The following PPARGC1A variants were observed in gnomAD, a reference collection of about 807,000 sequenced individuals.
The protein encoded by PPARGC1A is peroxisome proliferator-activated receptor gamma coactivator 1-alpha.
PPARGC1A carries 25 observed loss-of-function variants against 88.7 expected under a neutral mutation model. The observed-to-expected ratio is 0.28, with a 90% confidence interval of 0.21 to 0.39. The LOEUF is 0.39. Among genes scored for constraint, PPARGC1A ranks in the 10% least tolerant of loss-of-function variants. The pLI is 1.00. For missense variants in PPARGC1A, 880 were observed against 968.7 expected (o/e 0.91, Z 1.22); for synonymous variants, 363 against 355.6 (o/e 1.02, Z -0.24).
chr4:24,119,020 G>T, the PPARGC1A span, among the ~76,000 whole-genome samples: 1 of 152,132 alleles, frequency 6.6e-6, no homozygotes, highest in Non-Finnish European at 1.5e-5. Flanking sequence ...CCTATCAAAC[G>T]CATCACCTTG....
At chr4:24,150,140 G>T in the PPARGC1A span, among the ~76,000 whole-genome samples, 2 of 152,152 alleles carry the variant, frequency 1.3e-5, no homozygotes, top group African/African-American at 4.8e-5. Context: ...CAAGGTGAGA[G>T]AATCTTATTT....
At chr4:24,435,538 T>G in the PPARGC1A span, among the ~76,000 whole-genome samples, 2 of 152,126 alleles carry the variant, frequency 1.3e-5, no homozygotes, top group African/African-American at 4.8e-5. Context: ...GGACTTAACA[T>G]GTTTGTGACT....
chr4:24,344,733 G>A, the PPARGC1A span, among the ~76,000 whole-genome samples: 1 of 151,722 alleles, frequency 6.6e-6, no homozygotes, highest in African/African-American at 2.4e-5. Flanking sequence ...TCTTCCTTTT[G>A]CCATGCAAAA....
chr4:23,850,820 CAT>C (rs1310063008), intron 2 of PPARGC1A, among the ~76,000 whole-genome samples: 2 of 152,168 alleles, frequency 1.3e-5, no homozygotes, highest in African/African-American at 2.4e-5. Context: ...GTTACTTAAA[CAT>C]GTGTCTGAGT....
At chr4:24,307,801 C>T in the PPARGC1A span, among the ~76,000 whole-genome samples, 274 of 152,260 alleles carry the variant, frequency 1.8e-3, 1 homozygote, top group Non-Finnish European at 2.9e-3. Flanking sequence ...TTTCTAGTCC[C>T]GGCTTTTTCC....
At chr4:24,000,827 A>G in the PPARGC1A span, among the ~76,000 whole-genome samples, 54,300 of 151,968 alleles carry the variant, frequency 0.36, 10,183 homozygotes, top group Non-Finnish European at 0.42. Flanking sequence ...TAAATTGGGA[A>G]TCTCCTTTTC....
At chr4:24,165,805 C>G in the PPARGC1A span, among the ~76,000 whole-genome samples, 1 of 152,098 alleles carries the variant, frequency 6.6e-6, no homozygotes, top group Non-Finnish European at 1.5e-5. Context: ...TGGTTCTCCT[C>G]TCCCTCTCCC....
At chr4:24,268,744 A>T in the PPARGC1A span, among the ~76,000 whole-genome samples, 1 of 152,256 alleles carries the variant, frequency 6.6e-6, no homozygotes, top group Admixed American at 6.5e-5. Flanking sequence ...ATTACTTTGT[A>T]AACTTAATTT....
the PPARGC1A span, among the ~76,000 whole-genome samples, chr4:24,299,338 A>AAT: frequency 5.5e-3 from 831 of 151,690 alleles, 6 homozygotes; most frequent in African/African-American, 0.019. Flanking sequence ...GGTTTAATAA[A>AAT]ATATATATAT....
chr4:23,964,221 G>T, the PPARGC1A span, among the ~76,000 whole-genome samples: 1 of 152,160 alleles, frequency 6.6e-6, no homozygotes, highest in African/African-American at 2.4e-5. Context: ...CATTTTTACA[G>T]ATGAGAAAAT....
the PPARGC1A span, among the ~76,000 whole-genome samples, chr4:24,211,144 C>G: frequency 9.2e-5 from 14 of 152,186 alleles, no homozygotes; most frequent in Non-Finnish European, 2.1e-4. Flanking sequence ...CTGCCTAGCA[C>G]GTGCATGGCT....
the PPARGC1A span, among the ~76,000 whole-genome samples, chr4:24,295,176 A>T: frequency 6.6e-6 from 1 of 152,310 alleles, no homozygotes; most frequent in South Asian, 2.1e-4. Flanking sequence ...TTATCACGAG[A>T]TGTTTTTGTG....
chr4:24,017,598 C>T, the PPARGC1A span, among the ~76,000 whole-genome samples: 2 of 152,092 alleles, frequency 1.3e-5, no homozygotes, highest in Non-Finnish European at 2.9e-5. Flanking sequence ...AAATGGGTGT[C>T]TCAGAAAAGT....
At chr4:24,348,577 T>C in the PPARGC1A span, among the ~76,000 whole-genome samples, 1 of 152,220 alleles carries the variant, frequency 6.6e-6, no homozygotes, top group East Asian at 1.9e-4. Flanking sequence ...AATTTCTTTC[T>C]TCTGGTTGTT....
At chr4:23,857,356 T>C (rs10020518) in intron 2 of PPARGC1A, among the ~76,000 whole-genome samples, 143,776 of 144,156 alleles carry the variant, frequency 1, 71,698 homozygotes, top group East Asian at 1. Flanking sequence ...CTATTTAGTA[T>C]GTGCGTGTGT....
chr4:24,164,318 G>A, the PPARGC1A span, among the ~76,000 whole-genome samples: 4 of 152,124 alleles, frequency 2.6e-5, no homozygotes, highest in African/African-American at 9.7e-5. Flanking sequence ...GCCTTTTCCT[G>A]GATGAGACCA....
chr4:24,310,079 A>C, the PPARGC1A span, among the ~76,000 whole-genome samples: 1 of 152,188 alleles, frequency 6.6e-6, no homozygotes, highest in African/African-American at 2.4e-5. Flanking sequence ...TATTTCGCAA[A>C]GAGAAATTTT....
the PPARGC1A span, among the ~76,000 whole-genome samples, chr4:23,919,843 A>G: frequency 6.6e-6 from 1 of 152,226 alleles, no homozygotes; most frequent in African/African-American, 2.4e-5. Flanking sequence ...GGACAAAGAA[A>G]GAGTGCCTGA....
the PPARGC1A span, among the ~76,000 whole-genome samples, chr4:24,203,477 C>T: frequency 2.0e-5 from 3 of 152,152 alleles, no homozygotes; most frequent in South Asian, 2.1e-4. Context: ...ATGAGCAATG[C>T]TTGGGATCTA....
Sources: gnomAD v4.1 joint callset for allele counts (sites outside exome capture counted in the v4.1 genomes callset) on GRCh38, gnomAD v4.1.1 for gene constraint, MANE v1.5 for transcripts, NCBI Gene and HGNC (gene_info 2026-07-23, HGNC 2026-07-21) for gene names.